Variants in NOX3 observed in about 807,000 individuals in gnomAD.
NOX3 encodes the protein NADPH oxidase catalytic subunit-like 3.
Under a neutral mutation model 76.7 loss-of-function variants are expected in NOX3, and 74 were observed. The ratio of observed to expected loss-of-function variants is 0.96; its 90% CI spans 0.80 to 1.17. The LOEUF (loss-of-function observed/expected upper bound fraction) is 1.17. Ranked by LOEUF, NOX3 falls within the 50% of genes most tolerant of loss-of-function variation. NOX3 has a pLI of 0.00. For missense variants in NOX3, 695 were observed against 703.3 expected (o/e 0.99, Z 0.13); for synonymous variants, 263 against 261.1 (o/e 1.01, Z -0.07).
At position 155,440,269 on chromosome 6, in the gene NOX3, T is replaced by C. The variant is rs989427460; in HGVS notation, c.487-132A>G. 46 of 680,714 alleles carry C rather than the reference T, an allele frequency of 6.8e-5. No homozygotes were observed. In the African/African-American group the frequency reaches 8.1e-4, roughly 12 times the overall value. 42.2% of individuals were successfully genotyped at this position (680,714 alleles called of 1,614,324 possible). The stretch of plus-strand genomic sequence containing the variant: ...ATTTCAAGCAGGGAGCCGTTCACAA[T>C]GTTTCACTCAGAAGCACGTTAGCCT... On this transcript the variant is annotated intron_variant, in intron 5 of 13. Transcript: ENST00000159060.
intron 10 of NOX3, among the ~76,000 whole-genome samples, chr6:155,415,774 A>ATGTTT (rs138169590): frequency 0.026 from 4,018 of 152,336 alleles, 155 homozygotes; most frequent in African/African-American, 0.079. Context: ...ATGAAAGGAT[A>ATGTTT]TGTTTTACTG....
intron 4 of NOX3, among the ~76,000 whole-genome samples, chr6:155,449,051 A>G (rs1316553124): frequency 6.6e-6 from 1 of 152,176 alleles, no homozygotes; most frequent in East Asian, 1.9e-4. Context: ...AAGCTCCCAG[A>G]GCCTCAGGGG....
intron 11 of NOX3, among the ~76,000 whole-genome samples, chr6:155,408,454 G>A (rs1776493275): frequency 6.6e-6 from 1 of 152,066 alleles, no homozygotes; most frequent in African/African-American, 2.4e-5. Context: ...GACCAGTTTG[G>A]CTAACAACCT....
intron 4 of NOX3, 22 bp from the exon 5 acceptor site, chr6:155,443,440 A>T (rs750356186): frequency 1.2e-6 from 2 of 1,610,576 alleles, no homozygotes; most frequent in Non-Finnish European, 1.7e-6. Context: ...AGATGACACC[A>T]AACATGCACC....
At chr6:155,438,098 C>G (rs559398169) in intron 6 of NOX3, among the ~76,000 whole-genome samples, 22 of 151,876 alleles carry the variant, frequency 1.4e-4, no homozygotes, top group Admixed American at 1.2e-3. Flanking sequence ...ATGTGGGGGA[C>G]GTATGTTTAG....
chr6:155,435,956 T>C (rs1385283830), intron 7 of NOX3, among the ~76,000 whole-genome samples: 3 of 152,226 alleles, frequency 2.0e-5, no homozygotes, highest in African/African-American at 4.8e-5. Flanking sequence ...AAGTTTTTGA[T>C]CCTTGAAGTT....
intron 4 of NOX3, 90 bp downstream of exon 4, chr6:155,453,314 G>A: frequency 2.0e-6 from 2 of 985,806 alleles, no homozygotes; most frequent in South Asian, 1.3e-5. Context: ...TTACCTGAGG[G>A]TGAGACTTGG....
At chr6:155,419,504 T>C (rs1014748779) in intron 10 of NOX3, among the ~76,000 whole-genome samples, 1 of 152,210 alleles carries the variant, frequency 6.6e-6, no homozygotes, top group African/African-American at 2.4e-5. Flanking sequence ...TTCCACACTT[T>C]AGCTTCCTTT....
intron 10 of NOX3, among the ~76,000 whole-genome samples, chr6:155,414,626 T>C (rs984817499): frequency 0.037 from 3,347 of 89,760 alleles, 142 homozygotes; most frequent in East Asian, 0.18. Context: ...TTTCTTTCTT[T>C]TTTTTTTTTT....
At chr6:155,432,580 C>T (rs556139341) in intron 7 of NOX3, among the ~76,000 whole-genome samples, 5 of 152,276 alleles carry the variant, frequency 3.3e-5, no homozygotes, top group Admixed American at 6.5e-5. Context: ...TCACCTTTCT[C>T]GTTTTGTCTA....
At position 155,429,017 on chromosome 6, in the gene NOX3, G is replaced by A; in HGVS notation, c.922C>T (p.Leu308Phe). ...TTAAAGCCACGCTTTTTCATGTGAA[G>A]TTCCAGGACTCCAGAGGGGTGGCTT... ...VVSHPSGVLELHMKKRGFKMA... is the reference protein window; with the variant it reads ...VVSHPSGVLEFHMKKRGFKMA... The change falls in exon 9 of 14, where the codon CTT (leucine) becomes TTT (phenylalanine). Residue 308 changes from leucine to phenylalanine, a missense_variant. Leu to Phe is a conservative substitution (Grantham distance 22, BLOSUM62 0). Transcript: ENST00000159060. 1 of 1,608,530 alleles carries A rather than the reference G, an allele frequency of 6.2e-7. No homozygotes were observed. Among genetic ancestry groups the A allele is most frequent in the Non-Finnish European group, 8.5e-7 (1 of 1,176,136 alleles).
chr6:155,431,067 G>A, intron 7 of NOX3, 132 bp from the exon 8 acceptor site: 1 of 599,658 alleles, frequency 1.7e-6, no homozygotes, highest in South Asian at 2.2e-5. Flanking sequence ...CCAGTTATCA[G>A]CAACAAAGAT....
intron 10 of NOX3, among the ~76,000 whole-genome samples, chr6:155,420,507 G>T (rs779284656): frequency 1.3e-5 from 2 of 152,132 alleles, no homozygotes; most frequent in Non-Finnish European, 2.9e-5. Context: ...ATATTATGGC[G>T]TAGAGGAAAG....
intron 9 of NOX3, among the ~76,000 whole-genome samples, chr6:155,427,432 G>T (rs1159518159): frequency 1.3e-5 from 2 of 152,192 alleles, no homozygotes; most frequent in Non-Finnish European, 2.9e-5. Flanking sequence ...ATGAGATAAA[G>T]AATCCATATT....
intron 9 of NOX3, among the ~76,000 whole-genome samples, chr6:155,423,532 G>T (rs1053776655): frequency 2.6e-5 from 4 of 152,034 alleles, no homozygotes; most frequent in Non-Finnish European, 5.9e-5. Context: ...TATATTCATT[G>T]AATAAATAAG....
chr6:155,427,547 C>T (rs1254464632), intron 9 of NOX3, among the ~76,000 whole-genome samples: 1 of 152,202 alleles, frequency 6.6e-6, no homozygotes, highest in Non-Finnish European at 1.5e-5. Flanking sequence ...AAGACAATGT[C>T]CTGCCCTCAG....
chr6:155,431,215 T>G (rs1330265340), intron 7 of NOX3, among the ~76,000 whole-genome samples: 1 of 152,094 alleles, frequency 6.6e-6, no homozygotes, highest in Non-Finnish European at 1.5e-5. Flanking sequence ...ATAATTGAAT[T>G]TGCAAAGAAA....
At chr6:155,420,722 GA>G (rs1239092791) in intron 10 of NOX3, among the ~76,000 whole-genome samples, 1 of 152,144 alleles carries the variant, frequency 6.6e-6, no homozygotes, top group African/African-American at 2.4e-5. Context: ...GAATAAAAAT[GA>G]TAAGTATGAC....
chr6:155,408,815 G>A (rs961439440), intron 11 of NOX3, among the ~76,000 whole-genome samples: 18 of 152,154 alleles, frequency 1.2e-4, no homozygotes, highest in Non-Finnish European at 4.4e-5. Context: ...CATGGGTGGA[G>A]CTGGAGGCCA....
Sources: gnomAD v4.1 joint callset for allele counts (sites outside exome capture counted in the v4.1 genomes callset) on GRCh38, gnomAD v4.1.1 for gene constraint, MANE v1.5 for transcripts, NCBI Gene and HGNC (gene_info 2026-07-23, HGNC 2026-07-21) for gene names.